Variants in CCBE1 observed in about 807,000 individuals in gnomAD.
CCBE1 encodes collagen and calcium-binding EGF domain-containing protein 1.
In CCBE1, 37 loss-of-function variants were observed where a neutral mutation model predicts 50.0. The observed-to-expected ratio is 0.74, with a 90% CI of 0.57 to 0.97. The LOEUF (loss-of-function observed/expected upper bound fraction) is 0.97. CCBE1 is among the 50% of genes least tolerant of loss of function. The pLI, the probability that CCBE1 is intolerant of heterozygous loss-of-function variation, is 0.00. For synonymous variants in CCBE1, 234 were observed against 203.7 expected (o/e 1.15, Z -1.27); for missense variants, 538 against 523.8 (o/e 1.03, Z -0.26).
At chr18:59,504,253 G>C (rs772279545) in intron 2 of CCBE1, among the ~76,000 whole-genome samples, 1 of 152,060 alleles carries the variant, frequency 6.6e-6, no homozygotes, top group Non-Finnish European at 1.5e-5. Context: ...CAAGAAAATA[G>C]ATTTTTTAAA....
At chr18:59,627,227 C>G (rs1238650093) in intron 2 of CCBE1, among the ~76,000 whole-genome samples, 1 of 152,102 alleles carries the variant, frequency 6.6e-6, no homozygotes, top group Non-Finnish European at 1.5e-5. Context: ...TGTCCGTATT[C>G]TGAGTAATTA....
At chr18:59,681,760 G>C (rs1339120741) in intron 2 of CCBE1, among the ~76,000 whole-genome samples, 3 of 152,204 alleles carry the variant, frequency 2.0e-5, no homozygotes, top group Non-Finnish European at 4.4e-5. Flanking sequence ...AACCATTAAA[G>C]CCATTCAAGA....
chr18:59,433,478 T>C lies in CCBE1; in HGVS notation c.*2430A>G, dbSNP rs1276287967. On this transcript the variant is annotated 3_prime_UTR_variant, in exon 11 of 11. Transcript: ENST00000439986. Reference sequence around the variant, plus strand: ...AGACTCGGTCACATGCTGACTGACATGAGTCCTGCATTTCCAACGTGGTAG... The same window carrying C: ...AGACTCGGTCACATGCTGACTGACACGAGTCCTGCATTTCCAACGTGGTAG... 1 of 152,050 alleles carries C rather than the reference T, an allele frequency of 6.6e-6. No homozygotes were observed. Among genetic ancestry groups the C allele is most frequent in the Non-Finnish European group, 1.5e-5 (1 of 68,024 alleles). 9.4% of individuals were successfully genotyped at this position (152,050 alleles called of 1,614,324 possible). A position where few individuals can be genotyped will look rare whatever the true frequency, so the allele number is the denominator to read the frequency against.
At position 59,507,719 on chromosome 18, in the gene CCBE1, G is replaced by A. The variant is rs1303613966; in HGVS notation, c.213-27481C>T. On this transcript the variant is annotated intron_variant, in intron 2 of 10. Transcript: ENST00000439986. ...GGTCCACCATGAAACCAAATGAACT[G>A]AAAGCATTTGTTAAAAATCTCACCT... 1.3e-5 allele frequency among the ~76,000 whole-genome samples: 2 copies of A among 152,114 alleles called. 1 individual carries two copies.
At chr18:59,543,852 A>C (rs1273198037) in intron 2 of CCBE1, among the ~76,000 whole-genome samples, 10 of 149,668 alleles carry the variant, frequency 6.7e-5, no homozygotes, top group African/African-American at 1.3e-4. Flanking sequence ...AAAAAAAAAA[A>C]AAAAAACAGA....
At chr18:59,598,036 A>C (rs1465567628) in intron 2 of CCBE1, among the ~76,000 whole-genome samples, 1 of 152,236 alleles carries the variant, frequency 6.6e-6, no homozygotes, top group African/African-American at 2.4e-5. Flanking sequence ...GAGAAAGTGT[A>C]GGGAAAATGG....
intron 2 of CCBE1, chr18:59,563,817 T>C (rs1200926432): frequency 6.6e-6 from 1 of 152,138 alleles, no homozygotes; most frequent in East Asian, 1.9e-4. Flanking sequence ...CCCCAAATCA[T>C]TGGTACCTCG....
At chr18:59,527,734 C>T (rs1273159311) in intron 2 of CCBE1, among the ~76,000 whole-genome samples, 1 of 152,074 alleles carries the variant, frequency 6.6e-6, no homozygotes, top group Non-Finnish European at 1.5e-5. Flanking sequence ...TTTCTCCTTC[C>T]AGTATGAAGC....
At chr18:59,591,174 G>A (rs2053261594) in intron 2 of CCBE1, among the ~76,000 whole-genome samples, 1 of 83,118 alleles carries the variant, frequency 1.2e-5, no homozygotes, top group Admixed American at 1.2e-4. Context: ...TGAACCCGGG[G>A]GGCGGAGCTT....
At chr18:59,666,941 G>A (rs529947168) in intron 2 of CCBE1, among the ~76,000 whole-genome samples, 1 of 152,142 alleles carries the variant, frequency 6.6e-6, no homozygotes, top group African/African-American at 2.4e-5. Flanking sequence ...CTCCAGCCTG[G>A]GCAACAGAGC....
chr18:59,458,146 ATCT>A (rs1911287388), intron 5 of CCBE1, among the ~76,000 whole-genome samples: 1 of 148,544 alleles, frequency 6.7e-6, no homozygotes, highest in Non-Finnish European at 1.5e-5. Flanking sequence ...CCATCCATCC[ATCT>A]ATCCATCCAT....
intron 2 of CCBE1, among the ~76,000 whole-genome samples, chr18:59,591,541 T>C (rs2053269398): frequency 2.0e-5 from 3 of 151,982 alleles, no homozygotes; most frequent in Non-Finnish European, 4.4e-5. Context: ...AAGAGAAAAA[T>C]GGACAAAATT....
At chr18:59,578,000 A>T (rs1267339999) in intron 2 of CCBE1, among the ~76,000 whole-genome samples, 1 of 152,230 alleles carries the variant, frequency 6.6e-6, no homozygotes, top group Non-Finnish European at 1.5e-5. Flanking sequence ...ACAGCAAAGG[A>T]AAGTATCATC....
chr18:59,450,920 C>G (rs532247459), intron 6 of CCBE1, among the ~76,000 whole-genome samples: 29 of 152,268 alleles, frequency 1.9e-4, no homozygotes, highest in African/African-American at 6.5e-4. Context: ...TATTGAGAAG[C>G]CATATAACCA....
At chr18:59,504,564 T>C (rs6567092) in intron 2 of CCBE1, among the ~76,000 whole-genome samples, 52,733 of 151,920 alleles carry the variant, frequency 0.35, 9,840 homozygotes, top group East Asian at 0.5. Context: ...GAAAAGGACA[T>C]GGAAAAGGCT....
At chr18:59,550,998 C>CAAAAAAAAAAAAAAAAAAAAAAAAA (rs555160847) in intron 2 of CCBE1, among the ~76,000 whole-genome samples, 113 of 71,376 alleles carry the variant, frequency 1.6e-3, no homozygotes, top group Non-Finnish European at 2.2e-3. Context: ...CAGCGAGACT[C>CAAAAAAAAAAAAAAAAAAAAAAAAA]AAAAAAAAAA....
chr18:59,460,804 G>C (rs1457797854), intron 5 of CCBE1, among the ~76,000 whole-genome samples: 1 of 151,970 alleles, frequency 6.6e-6, no homozygotes, highest in African/African-American at 2.4e-5. Context: ...GCATGGTGGC[G>C]CACGTCTGTA....
At chr18:59,596,498 G>C (rs1479461652) in intron 2 of CCBE1, among the ~76,000 whole-genome samples, 1 of 152,148 alleles carries the variant, frequency 6.6e-6, no homozygotes, top group Non-Finnish European at 1.5e-5. Flanking sequence ...GCTAGGTCTA[G>C]ACTGATAAGA....
At chr18:59,512,742 G>T (rs569082123) in intron 2 of CCBE1, among the ~76,000 whole-genome samples, 2 of 152,240 alleles carry the variant, frequency 1.3e-5, no homozygotes, top group Admixed American at 6.5e-5. Context: ...GCTGGCTGTT[G>T]ATGAGGAAAA....
Sources: allele counts gnomAD v4.1 joint callset (sites outside exome capture counted in the v4.1 genomes callset), GRCh38; gene constraint gnomAD v4.1.1; transcripts MANE v1.5; gene names NCBI Gene and HGNC (gene_info 2026-07-23, HGNC 2026-07-21).